Variants in SPAG16 observed in about 807,000 individuals in gnomAD.
The protein encoded by SPAG16 is sperm-associated antigen 16 protein.
Under a neutral mutation model 80.4 loss-of-function variants are expected in SPAG16, and 86 were observed. The ratio of observed to expected loss-of-function variants is 1.07; its 90% CI spans 0.90 to 1.28. The LOEUF is 1.28. Ranked by LOEUF, SPAG16 falls within the 50% of genes most tolerant of loss-of-function variation. The pLI is 0.00. For synonymous variants in SPAG16, 294 were observed against 265.9 expected, an observed-to-expected ratio of 1.11 and a Z score of -1.03; for missense variants, 870 against 765.3, an observed-to-expected ratio of 1.14 and a Z score of -1.61.
chr2:213,524,085 G>T (rs986904861), intron 10 of SPAG16, among the ~76,000 whole-genome samples: 1 of 152,184 alleles, frequency 6.6e-6, no homozygotes, highest in African/African-American at 2.4e-5. Context: ...TTTGTGGGCT[G>T]GGACCAGGGC....
chr2:213,877,304 G>T (rs1469364271), intron 11 of SPAG16, among the ~76,000 whole-genome samples: 1 of 151,794 alleles, frequency 6.6e-6, no homozygotes, highest in Non-Finnish European at 1.5e-5. Flanking sequence ...TGATACATGG[G>T]TTTTTTTGTT....
At chr2:214,011,473 ATTAAATATTTTT>A in intron 12 of SPAG16, among the ~76,000 whole-genome samples, 1 of 118,314 alleles carries the variant, frequency 8.5e-6, no homozygotes, top group Non-Finnish European at 1.7e-5. Context: ...AGGGCTATGA[ATTAAATATTTTT>A]GATTTGTGGA....
intron 13 of SPAG16, among the ~76,000 whole-genome samples, chr2:214,106,829 GT>G: frequency 6.6e-6 from 1 of 152,066 alleles, no homozygotes; most frequent in Non-Finnish European, 1.5e-5. Context: ...TGGCTTCCTT[GT>G]TGTTCCAGAA....
At chr2:213,795,698 C>A (rs2070982439) in intron 10 of SPAG16, among the ~76,000 whole-genome samples, 1 of 152,112 alleles carries the variant, frequency 6.6e-6, no homozygotes, top group Admixed American at 6.6e-5. Context: ...TTAGCACCAT[C>A]CCCTCAGTGC....
At chr2:214,121,167 A>T (rs943278274) in intron 14 of SPAG16, among the ~76,000 whole-genome samples, 1 of 151,822 alleles carries the variant, frequency 6.6e-6, no homozygotes, top group African/African-American at 2.4e-5. Flanking sequence ...TATCTCCACT[A>T]TGTAGCATAG....
chr2:213,373,466 G>A (rs142197587), intron 8 of SPAG16, among the ~76,000 whole-genome samples: 1 of 152,096 alleles, frequency 6.6e-6, no homozygotes, highest in African/African-American at 2.4e-5. Flanking sequence ...TTTTATTAAA[G>A]TGTGTATTTT....
chr2:213,504,301 A>T (rs1268677866), intron 10 of SPAG16, among the ~76,000 whole-genome samples: 1 of 152,194 alleles, frequency 6.6e-6, no homozygotes, highest in East Asian at 1.9e-4. Flanking sequence ...AGAAAAAGAA[A>T]GAGGGTGATA....
chr2:213,990,995 TA>T (rs1414306949), intron 12 of SPAG16, among the ~76,000 whole-genome samples: 1 of 152,066 alleles, frequency 6.6e-6, no homozygotes, highest in African/African-American at 2.4e-5. Context: ...CAAATCCACT[TA>T]TTTTTTTTTC....
intron 15 of SPAG16, among the ~76,000 whole-genome samples, chr2:214,269,243 A>G (rs1438924930): frequency 6.6e-6 from 1 of 152,018 alleles, no homozygotes; most frequent in African/African-American, 2.4e-5. Context: ...ACGTTTAAAA[A>G]TTTTTGTTTT....
intron 9 of SPAG16, among the ~76,000 whole-genome samples, chr2:213,415,461 CAAT>C (rs1264000551): frequency 4.6e-5 from 7 of 152,186 alleles, no homozygotes; most frequent in South Asian, 4.1e-4. Context: ...AAACTGGACT[CAAT>C]GATGCCAAGT....
At chr2:214,332,877 A>G (rs1485554035) in intron 15 of SPAG16, among the ~76,000 whole-genome samples, 1 of 152,176 alleles carries the variant, frequency 6.6e-6, no homozygotes, top group Non-Finnish European at 1.5e-5. Context: ...AGATACGTCC[A>G]TGGCCACATG....
Position 213,905,418 on chromosome 2 carries a change from G to A in SPAG16, c.1215-24542G>A, listed in dbSNP as rs569508085. Among the ~76,000 whole-genome samples, 7 of 152,266 alleles carry A rather than the reference G, an allele frequency of 4.6e-5. No homozygotes were observed. The East Asian group carries it at 7.7e-4, about 17-fold the overall frequency. ...AGAAAATATTCAAATTAAATGTCCA[G>A]TGGCAAATGGCACATACAATCCACT... On this transcript the variant is annotated intron_variant, in intron 11 of 15. Transcript: ENST00000331683.
At chr2:213,961,838 G>GT (rs575660843) in intron 12 of SPAG16, among the ~76,000 whole-genome samples, 3 of 151,336 alleles carry the variant, frequency 2.0e-5, no homozygotes, top group Non-Finnish European at 2.9e-5. Flanking sequence ...TTGATCTATG[G>GT]TTTTTTTTCT....
chr2:213,375,827 G>T (rs1277539752), intron 9 of SPAG16, among the ~76,000 whole-genome samples: 3 of 151,632 alleles, frequency 2.0e-5, no homozygotes, highest in Non-Finnish European at 4.4e-5. Flanking sequence ...TCTAGAAGAA[G>T]AATAGATTTG....
At chr2:214,153,669 A>C (rs775285090) in intron 15 of SPAG16, among the ~76,000 whole-genome samples, 13 of 152,116 alleles carry the variant, frequency 8.5e-5, no homozygotes, top group Non-Finnish European at 5.9e-5. Context: ...TTTTCTAGGG[A>C]AAGCATAAGT....
intron 10 of SPAG16, among the ~76,000 whole-genome samples, chr2:213,702,319 T>G (rs1341894482): frequency 2.6e-5 from 4 of 152,354 alleles, no homozygotes; most frequent in African/African-American, 9.6e-5. Context: ...GCAACCCGCT[T>G]GGGTCTCTTT....
At chr2:213,344,714 A>C (rs1425336395) in intron 6 of SPAG16, among the ~76,000 whole-genome samples, 3 of 151,792 alleles carry the variant, frequency 2.0e-5, no homozygotes, top group Non-Finnish European at 2.9e-5. Context: ...TGAACTCATC[A>C]TTTTTTATGG....
intron 10 of SPAG16, among the ~76,000 whole-genome samples, chr2:213,624,017 TTAAA>T (rs1471617321): frequency 1.3e-5 from 2 of 152,166 alleles, no homozygotes; most frequent in East Asian, 1.9e-4. Flanking sequence ...TAATTAGTAA[TTAAA>T]TAAACTACAC....
chr2:214,249,969 T>A (rs1690130905), intron 15 of SPAG16: 1 of 152,186 alleles, frequency 6.6e-6, no homozygotes, highest in Non-Finnish European at 1.5e-5. Context: ...CTTGGTAGCT[T>A]TCTTCCAATG....
Sources: allele counts gnomAD v4.1 joint callset (sites outside exome capture counted in the v4.1 genomes callset), GRCh38; gene constraint gnomAD v4.1.1; transcripts MANE v1.5; gene names NCBI Gene and HGNC (gene_info 2026-07-23, HGNC 2026-07-21).